The following SLC26A9 variants were observed in gnomAD, a reference collection of about 807,000 sequenced individuals.
SLC26A9 encodes the protein anion transporter/exchanger protein 9.
SLC26A9 carries 46 observed loss-of-function variants against 87.1 expected under a neutral mutation model. The observed-to-expected ratio is 0.53, with a 90% CI of 0.42 to 0.67. The LOEUF is 0.67. Ranked by LOEUF, SLC26A9 falls within the 30% of genes least tolerant of loss-of-function variation. The pLI is 0.00. For missense variants in SLC26A9, 927 were observed against 1,018.3 expected, an observed-to-expected ratio of 0.91 and a Z score of 1.22; for synonymous variants, 437 against 409.1, an observed-to-expected ratio of 1.07 and a Z score of -0.82.
chr1:205,917,271 C>A lies in SLC26A9; in HGVS notation c.2328+12G>T. On this transcript the variant is annotated intron_variant, in intron 20 of 20. Coordinates refer to ENST00000367135, the MANE Select transcript of SLC26A9 (RefSeq NM_052934.4). The stretch of plus-strand genomic sequence containing the variant: ...CCTGCTCCCACCCTCACAGCCCCTT[C>A]CCTCAGCTCACCTGCTCTAAGTCCC... The A allele has an allele frequency of 6.2e-7, 1 of 1,613,988 alleles. No individual in the cohort carries two copies. Among genetic ancestry groups the A allele is most frequent in the Non-Finnish European group, 8.5e-7 (1 of 1,179,940 alleles).
intron 20 of SLC26A9, 128 bp from the exon 21 acceptor site, chr1:205,915,532 G>T: frequency 8.5e-7 from 1 of 1,181,078 alleles, no homozygotes; most frequent in Non-Finnish European, 1.2e-6. Context: ...GTGTGTGTGT[G>T]TGTGTGTGTG....
chr1:205,937,328 T>C (rs796858269), intron 1 of SLC26A9, among the ~76,000 whole-genome samples: 1 of 152,302 alleles, frequency 6.6e-6, no homozygotes, highest in African/African-American at 2.4e-5. Flanking sequence ...ACTCAACACA[T>C]ACTTGTTGAG....
At chr1:205,924,552 C>T in intron 12 of SLC26A9, 63 bp from the exon 13 acceptor site, 1 of 1,471,412 alleles carries the variant, frequency 6.8e-7, no homozygotes, top group South Asian at 1.2e-5. Context: ...AGGAAGTCTT[C>T]CTGGATTAGC....
intron 20 of SLC26A9, among the ~76,000 whole-genome samples, chr1:205,915,776 C>T (rs547931944): frequency 1.3e-5 from 2 of 152,184 alleles, no homozygotes; most frequent in Admixed American, 6.5e-5. Context: ...CTATTTTGGT[C>T]CTATCCAGGC....
Position 205,913,491 on chromosome 1 carries a change from A to T in SLC26A9, c.*1866T>A, listed in dbSNP as rs1461275410. The T allele has an allele frequency of 1.3e-5, 2 of 152,512 alleles. No individual in the cohort carries two copies. Among genetic ancestry groups the T allele is most frequent in the East Asian group, 3.9e-4 (2 of 5,182 alleles). The allele number at this position is 152,512 out of a possible 1,614,324, so 9.4% of individuals were successfully genotyped here. ...CTTGGGGGTTAAGGATCACTTCATCAAGTCCTCAGGGGATCTAGATACTTG... is the reference window on the plus strand; with the variant it reads ...CTTGGGGGTTAAGGATCACTTCATCTAGTCCTCAGGGGATCTAGATACTTG... On this transcript the variant is annotated 3_prime_UTR_variant, in exon 21 of 21. Transcript: ENST00000367135.
In SLC26A9 at chr1:205,914,238, G is replaced by A. The variant is rs1403730625; in HGVS notation, c.*1119C>T. The A allele has an allele frequency of 6.6e-6, 1 of 152,394 alleles. No individual in the cohort carries two copies. Among genetic ancestry groups the A allele is most frequent in the African/African-American group, 2.4e-5 (1 of 41,416 alleles). The allele number at this position is 152,394 out of a possible 1,614,324, so 9.4% of individuals were successfully genotyped here. ...CAGTTAGGGGATGTAGCGGATCCCT[G>A]GAGGACTTCCACCTTTGCCTACAGA... is the stretch of plus-strand genomic sequence containing the variant. On this transcript the variant is annotated 3_prime_UTR_variant, in exon 21 of 21. Transcript: ENST00000367135.
intron 17 of SLC26A9, among the ~76,000 whole-genome samples, chr1:205,920,708 C>T (rs1204659991): frequency 6.6e-6 from 1 of 152,196 alleles, no homozygotes; most frequent in African/African-American, 2.4e-5. Context: ...CCATGTTGGC[C>T]AGGCTGGTCT....
chr1:205,926,484 G>A (rs753698528), intron 12 of SLC26A9, 51 bp downstream of exon 12: 2 of 1,451,508 alleles, frequency 1.4e-6, no homozygotes, highest in South Asian at 2.3e-5. Flanking sequence ...CTGTGGGGTT[G>A]GAGGAGAGGG....
rs755999505 is a variant in SLC26A9, at chr1:205,915,280, T to C, written c.*77A>G. On this transcript the variant is annotated 3_prime_UTR_variant, in exon 21 of 21. Transcript: ENST00000367135. ...GCACTTTCCTCCGCCCGACACCCCC[T>C]GTGACCCCAGGCTCATCCTTTATGG... 2 of 1,606,702 alleles carry C rather than the reference T, an allele frequency of 1.2e-6. No homozygotes were observed. The highest frequency in any genetic ancestry group is 3.4e-5 in the Admixed American group (2 of 59,652).
At chr1:205,918,202 A>C (rs1208409181) in intron 19 of SLC26A9, among the ~76,000 whole-genome samples, 1 of 152,104 alleles carries the variant, frequency 6.6e-6, no homozygotes, top group Non-Finnish European at 1.5e-5. Flanking sequence ...CTGAGCTGGG[A>C]GGGGACCCTG....
At chr1:205,933,643 A>G (rs1467034496) in intron 2 of SLC26A9, among the ~76,000 whole-genome samples, 1 of 152,164 alleles carries the variant, frequency 6.6e-6, no homozygotes, top group Non-Finnish European at 1.5e-5. Context: ...GAATGAGTGA[A>G]TACACCCGAG....
chr1:205,942,101 T>C (rs1303037355), intron 1 of SLC26A9, among the ~76,000 whole-genome samples: 2 of 152,200 alleles, frequency 1.3e-5, no homozygotes, highest in African/African-American at 2.4e-5. Flanking sequence ...GGCTGTTTAG[T>C]ACGGTTTAAG....
At chr1:205,927,428 C>T in intron 10 of SLC26A9, 64 bp downstream of exon 10, 1 of 1,575,254 alleles carries the variant, frequency 6.3e-7, no homozygotes, top group Non-Finnish European at 8.7e-7. Flanking sequence ...TTGCAGTGCC[C>T]AGGCTTTTTT....
At chr1:205,922,874 G>A (rs904291547) in intron 16 of SLC26A9, among the ~76,000 whole-genome samples, 10 of 152,086 alleles carry the variant, frequency 6.6e-5, no homozygotes, top group African/African-American at 2.4e-4. Flanking sequence ...ACTCAAGCCT[G>A]GGTGACAAGA....
chr1:205,921,521 G>A (rs200572730), intron 17 of SLC26A9, 45 bp downstream of exon 17: 16 of 1,579,738 alleles, frequency 1.0e-5, no homozygotes, highest in South Asian at 2.3e-5. Flanking sequence ...AGAGCAGAGC[G>A]GAGGGGGTGG....
At chr1:205,942,073 G>A (rs1252001914) in intron 1 of SLC26A9, among the ~76,000 whole-genome samples, 1 of 152,226 alleles carries the variant, frequency 6.6e-6, no homozygotes, top group Non-Finnish European at 1.5e-5. Flanking sequence ...CCCCCAGCAA[G>A]TTCACGGGGG....
At chr1:205,923,732 A>C (rs2102580235) in intron 13 of SLC26A9, 119 bp from the exon 14 acceptor site, 2 of 1,049,604 alleles carry the variant, frequency 1.9e-6, no homozygotes, top group Non-Finnish European at 1.4e-6. Flanking sequence ...CCTCACCCCC[A>C]GACTTGCTGT....
intron 16 of SLC26A9, 36 bp downstream of exon 16, chr1:205,923,046 G>A: frequency 1.3e-6 from 2 of 1,593,370 alleles, no homozygotes; most frequent in Non-Finnish European, 1.7e-6. Context: ...ATGGGCAGGA[G>A]AGCAGGGCAC....
chr1:205,929,188 T>C lies in SLC26A9; in HGVS notation c.870+16A>G. On this transcript the variant is annotated intron_variant, in intron 7 of 20. Coordinates refer to ENST00000367135, the MANE Select transcript of SLC26A9 (RefSeq NM_052934.4). ...GCCTGGCCCCCCAACATCCCAGCTC[T>C]GAACAAGGTCCTTACCACAATCATC... 1 of 1,607,306 alleles carries C rather than the reference T, an allele frequency of 6.2e-7. No individual in the cohort carries two copies.
Sources: allele counts gnomAD v4.1 joint callset (sites outside exome capture counted in the v4.1 genomes callset), GRCh38; gene constraint gnomAD v4.1.1; transcripts MANE v1.5; gene names NCBI Gene and HGNC (gene_info 2026-07-23, HGNC 2026-07-21).